DDX5: variants seen among roughly 807,000 people sequenced by gnomAD.
DDX5 encodes DEAD-box helicase 5, also known as probable ATP-dependent RNA helicase DDX5.
DDX5 carries 6 observed loss-of-function variants against 68.6 expected under a neutral mutation model. The ratio of observed to expected loss-of-function variants is 0.09; its 90% CI spans 0.05 to 0.17. The LOEUF is 0.17. Among genes scored for constraint, DDX5 ranks in the 10% least tolerant of loss-of-function variants. The pLI, the probability that DDX5 is intolerant of heterozygous loss-of-function variation, is 1.00. For synonymous variants in DDX5, 350 were observed against 247.0 expected (o/e 1.42, Z -3.91); for missense variants, 499 against 756.1 (o/e 0.66, Z 3.99).
chr17:64,503,653 T>C (rs1555671517), intron 5 of DDX5, 82 bp from the exon 6 acceptor site: 2 of 1,577,212 alleles, frequency 1.3e-6, no homozygotes, highest in Non-Finnish European at 1.7e-6. Flanking sequence ...AGATCCTTTC[T>C]TCATGTGTTG....
chr17:64,505,714 CCA>C, intron 1 of DDX5: 1 of 1,534,564 alleles, frequency 6.5e-7, no homozygotes, highest in Non-Finnish European at 8.7e-7. Context: ...GAATGCCCGG[CCA>C]CCCCAAAAAC....
chr17:64,502,889 G>A, intron 8 of DDX5, 37 bp downstream of exon 8: 1 of 1,527,342 alleles, frequency 6.5e-7, no homozygotes, highest in Non-Finnish European at 8.8e-7. Flanking sequence ...CAGCAAAGTT[G>A]TTAGGAAGCA....
rs1568108912 is a variant in DDX5 at position 64,505,750 on chromosome 17, C to G, written c.44+326G>C. 4.6e-6 allele frequency: 7 copies of G among 1,536,204 alleles called. No individual in the cohort carries two copies. In the South Asian group the frequency reaches 8.3e-5, roughly 18 times the overall value. ...ACACCTCCCGAAACGCCGCACCTAA[C>G]AGATGTTCCTTCGTCTGCCTCGAAG... On this transcript the variant is annotated intron_variant, in intron 1 of 12. Coordinates refer to ENST00000225792, the MANE Select transcript of DDX5 (RefSeq NM_004396.5).
At chr17:64,506,053 G>C in intron 1 of DDX5, 23 bp downstream of exon 1, 1 of 1,407,244 alleles carries the variant, frequency 7.1e-7, no homozygotes. Flanking sequence ...CGCCAGGCCT[G>C]ACAGCTCGGC....
Position 64,506,245 on chromosome 17 carries a change from C to G in DDX5, c.-126G>C, listed in dbSNP as rs1458600508. 1.3e-6 allele frequency: 2 copies of G among 1,548,916 alleles called. No individual in the cohort carries two copies. The highest frequency in any genetic ancestry group is 1.7e-6 in the Non-Finnish European group (2 of 1,147,340). ...CAGCGGAGGAAGGACACCGATGACACCAGCCGAAGCTGCACTACTAGAGAC... is the reference window on the plus strand; with the variant it reads ...CAGCGGAGGAAGGACACCGATGACAGCAGCCGAAGCTGCACTACTAGAGAC... On this transcript the variant is annotated 5_prime_UTR_variant, in exon 1 of 13. Transcript: ENST00000225792.
chr17:64,505,050 G>A (rs1167711442), intron 1 of DDX5: 3 of 454,040 alleles, frequency 6.6e-6, no homozygotes, highest in African/African-American at 6.1e-5. Flanking sequence ...CTTAGGTCAT[G>A]TAAACAGCCT....
chr17:64,506,544 G>T, upstream of DDX5: 1 of 519,520 alleles, frequency 1.9e-6, no homozygotes, highest in Non-Finnish European at 3.1e-6. Flanking sequence ...CCTCAAGCAA[G>T]CCACCCCGCC....
At chr17:64,505,917 T>G (rs1555672361) in intron 1 of DDX5, 159 bp downstream of exon 1, 2 of 1,534,090 alleles carry the variant, frequency 1.3e-6, no homozygotes, top group African/African-American at 2.7e-5. Context: ...CCAATCACTG[T>G]GACGTGAATA....
chr17:64,504,183 C>T, intron 3 of DDX5, 39 bp downstream of exon 3: 1 of 1,612,858 alleles, frequency 6.2e-7, no homozygotes, highest in Non-Finnish European at 8.5e-7. Flanking sequence ...TAGGTGGAAA[C>T]AAAAACACGG....
In DDX5 at chr17:64,502,549, T is replaced by C; in HGVS notation, c.984A>G (p.Lys328=). ...DVCHDVEKDE[K]LIRLMEEIMS... is the part of the protein sequence containing the mutation. ...TGATCTCTTCCATTAGACGAATAAGTCTAATAATAGGAGAGAGAAAGGAAA... is the reference window on the plus strand; with the variant it reads ...TGATCTCTTCCATTAGACGAATAAGCCTAATAATAGGAGAGAGAAAGGAAA... The change falls in exon 9 of 13, where the codon AAA becomes AAG. Residue 328 remains lysine, a splice_region_variant and synonymous_variant. Transcript: ENST00000225792. 1 of 1,601,892 alleles carries C rather than the reference T, an allele frequency of 6.2e-7. No individual in the cohort carries two copies. The highest frequency in any genetic ancestry group is 1.1e-5 in the South Asian group (1 of 90,786).
intron 4 of DDX5, 38 bp downstream of exon 4, chr17:64,503,945 C>T (rs782705617): frequency 7.4e-6 from 12 of 1,613,828 alleles, no homozygotes; most frequent in Non-Finnish European, 7.6e-6. Context: ...CATTTTCTTG[C>T]ATATATCAGA....
rs188396307 is a variant in DDX5 at position 64,504,571 on chromosome 17, T to C, written c.210+106A>G. On this transcript the variant is annotated intron_variant, in intron 2 of 12. Transcript: ENST00000225792. ...CTTTCCCAATTATGAAGTCAGAACA[T>C]GTAACTCTACCAAAATTGAGTTATT... 308 of 1,348,316 alleles carry C rather than the reference T, an allele frequency of 2.3e-4. 1 individual carries two copies. In the African/African-American group the frequency reaches 4.2e-3, roughly 18 times the overall value. 83.5% of individuals were successfully genotyped at this position (1,348,316 alleles called of 1,614,324 possible). A position where few individuals can be genotyped will look rare whatever the true frequency, so the allele number is the denominator to read the frequency against.
At chr17:64,505,275 G>A (rs2038427412) in intron 1 of DDX5, 1 of 274,840 alleles carries the variant, frequency 3.6e-6, no homozygotes, top group African/African-American at 2.2e-5. Flanking sequence ...AACAGCTTTA[G>A]TGGTAAGAAC....
At position 64,506,092 on chromosome 17, in the gene DDX5, G is replaced by C. The variant is rs782357234; in HGVS notation, c.28C>G (p.Arg10Gly). Residue 10 changes from arginine to glycine, a missense_variant, in exon 1 of 13, where the codon CGC becomes GGC. Arg to Gly is a moderately radical substitution (Grantham distance 125, BLOSUM62 -2). This residue lies in a region of DDX5 where 140 missense variants were observed against 135.7 expected (regional missense o/e 1.03). Coordinates refer to ENST00000225792, the MANE Select transcript of DDX5 (RefSeq NM_004396.5). The part of the protein sequence containing the change: MSGYSSDRD[R>G]GRDRGFGAPR... Reference sequence around the variant, plus strand: ...CAAACTCACCCTCGGTCCCGGCCGCGGTCTCGGTCACTCGAATAACCCGAC... The same window carrying C: ...CAAACTCACCCTCGGTCCCGGCCGCCGTCTCGGTCACTCGAATAACCCGAC... 2.0e-6 allele frequency: 3 copies of C among 1,476,484 alleles called. No individual in the cohort carries two copies. Among genetic ancestry groups the C allele is most frequent in the Admixed American group, 3.7e-5 (2 of 54,378 alleles). The allele number at this position is 1,476,484 out of a possible 1,614,324, so 91.5% of individuals were successfully genotyped here.
In DDX5 at chr17:64,502,916, T is replaced by C. The variant is rs781980699; in HGVS notation, c.983+10A>G. On this transcript the variant is annotated intron_variant, in intron 8 of 12. Transcript: ENST00000225792. ...TAGGAAGCAAATATAACAGAGTTAA[T>C]AAAACTTACTTTTCATCCTTTTCTA... is the stretch of plus-strand genomic sequence containing the variant. The C allele has an allele frequency of 6.4e-7, 1 of 1,572,192 alleles. No homozygotes were observed. Among genetic ancestry groups the C allele is most frequent in the Non-Finnish European group, 8.6e-7 (1 of 1,159,592 alleles).
At chr17:64,503,731 T>C in intron 5 of DDX5, 72 bp downstream of exon 5, 1 of 1,553,336 alleles carries the variant, frequency 6.4e-7, no homozygotes, top group Non-Finnish European at 8.8e-7. Flanking sequence ...CCACAAATGA[T>C]TACATCTTTA....
chr17:64,500,517 A>C, intron 12 of DDX5, 32 bp downstream of exon 12: 1 of 1,592,370 alleles, frequency 6.3e-7, no homozygotes, highest in Non-Finnish European at 8.6e-7. Context: ...TGTGACTCGT[A>C]ACTACCAACA....
In DDX5 at chr17:64,506,232, G is replaced by C; in HGVS notation, c.-113C>G. On this transcript the variant is annotated 5_prime_UTR_variant, in exon 1 of 13. Transcript: ENST00000225792. ...CTTGCGGGGGCGGCAGCGGAGGAAGGACACCGATGACACCAGCCGAAGCTG... is the reference window on the plus strand; with the variant it reads ...CTTGCGGGGGCGGCAGCGGAGGAAGCACACCGATGACACCAGCCGAAGCTG... 1.3e-6 allele frequency: 2 copies of C among 1,551,764 alleles called. No homozygotes were observed. Among genetic ancestry groups the C allele is most frequent in the Non-Finnish European group, 1.7e-6 (2 of 1,148,380 alleles).
chr17:64,506,378 C>T (rs1227509550), upstream of DDX5: 1 of 1,414,610 alleles, frequency 7.1e-7, no homozygotes, highest in Non-Finnish European at 9.2e-7. Context: ...ACCTAATCGC[C>T]CCGCCCCTCG....
Sources: allele counts gnomAD v4.1 joint callset, GRCh38; gene constraint gnomAD v4.1.1; regional missense constraint gnomAD v4.1.1; transcripts MANE v1.5; gene names NCBI Gene and HGNC (gene_info 2026-07-23, HGNC 2026-07-21).